Variants in NUP98 observed in about 807,000 individuals in gnomAD.
NUP98 encodes nuclear pore complex protein Nup98-Nup96.
In NUP98, 26 loss-of-function variants were observed where a neutral mutation model predicts 191.9. The observed-to-expected ratio is 0.14, with a 90% confidence interval of 0.10 to 0.19. The LOEUF is 0.19. NUP98 is among the 10% of genes least tolerant of loss of function. NUP98 has a pLI of 1.00. For missense variants in NUP98, 1,941 were observed against 2,178.8 expected (o/e 0.89, Z 2.17); for synonymous variants, 808 against 778.4 (o/e 1.04, Z -0.63).
chr11:3,759,128 T>C (rs1162837480), intron 10 of NUP98, among the ~76,000 whole-genome samples: 2 of 152,292 alleles, frequency 1.3e-5, no homozygotes, highest in Admixed American at 6.5e-5. Context: ...CAAATAACCA[T>C]GTCTTTGTAC....
rs1445247035 is a variant in NUP98, at chr11:3,712,416, C to T, written c.2742+148G>A. 5.6e-6 allele frequency: 8 copies of T among 1,435,614 alleles called. No individual in the cohort carries two copies. The South Asian group carries it at 1.1e-4, about 20-fold the overall frequency. The allele number at this position is 1,435,614 out of a possible 1,614,324, so 88.9% of individuals were successfully genotyped here. A position where few individuals can be genotyped will look rare whatever the true frequency, so the allele number is the denominator to read the frequency against. Reference sequence around the variant, plus strand: ...ACAGATGCCTGCAAGACCTCACGCCCTCCCTTGCACTTGTTTCAACGTGAT... The same window carrying T: ...ACAGATGCCTGCAAGACCTCACGCCTTCCCTTGCACTTGTTTCAACGTGAT... On this transcript the variant is annotated intron_variant, in intron 20 of 32. Coordinates refer to ENST00000324932, the MANE Select transcript of NUP98 (RefSeq NM_016320.5).
chr11:3,780,257 T>C (rs1461637564), intron 2 of NUP98, among the ~76,000 whole-genome samples: 1 of 148,634 alleles, frequency 6.7e-6, no homozygotes, highest in African/African-American at 2.5e-5. Flanking sequence ...TGCGGGGAAG[T>C]TACAGGCTCA....
At chr11:3,750,428 G>A (rs2080705427) in intron 11 of NUP98, among the ~76,000 whole-genome samples, 1 of 152,136 alleles carries the variant, frequency 6.6e-6, no homozygotes, top group Non-Finnish European at 1.5e-5. Flanking sequence ...AGATTGATAT[G>A]TATGTACTGA....
chr11:3,772,631 G>A (rs1276654557), intron 6 of NUP98, among the ~76,000 whole-genome samples: 3 of 151,822 alleles, frequency 2.0e-5, no homozygotes, highest in Admixed American at 6.6e-5. Context: ...CCCGGCCAAC[G>A]TAGCAAAATC....
chr11:3,715,678 C>G lies in NUP98; in HGVS notation c.2400-1683G>C, dbSNP rs184413993. On this transcript the variant is annotated intron_variant, in intron 18 of 32. Transcript: ENST00000324932. ...ATCACAGCTCACTGTAACCTCTGTT[C>G]GAGACCAACCTGGCCAACATGGTGA... 1.8e-3 allele frequency among the ~76,000 whole-genome samples: 273 copies of G among 152,212 alleles called. 1 individual carries two copies. Among genetic ancestry groups the G allele is most frequent in the African/African-American group, 6.4e-3 (264 of 41,542 alleles).
At chr11:3,785,261 C>T (rs997926592) in intron 1 of NUP98, among the ~76,000 whole-genome samples, 4 of 152,000 alleles carry the variant, frequency 2.6e-5, no homozygotes, top group Non-Finnish European at 5.9e-5. Flanking sequence ...CAAACCATGA[C>T]TGTAATCACT....
At chr11:3,696,047 C>T (rs928951750) in intron 25 of NUP98, among the ~76,000 whole-genome samples, 5 of 151,972 alleles carry the variant, frequency 3.3e-5, no homozygotes, top group African/African-American at 7.3e-5. Context: ...CAAAAATCAC[C>T]GGGCGTGCTG....
intron 11 of NUP98, among the ~76,000 whole-genome samples, chr11:3,748,513 T>A (rs1487703527): frequency 6.6e-6 from 1 of 151,462 alleles, no homozygotes; most frequent in Non-Finnish European, 1.5e-5. Context: ...AGAGCAAGAG[T>A]CCATCTTGGA....
intron 8 of NUP98, among the ~76,000 whole-genome samples, chr11:3,765,564 C>G (rs574371825): frequency 6.6e-6 from 1 of 152,102 alleles, no homozygotes; most frequent in Non-Finnish European, 1.5e-5. Context: ...CTTTGAGAGG[C>G]TGAGGCAGTC....
intron 14 of NUP98, among the ~76,000 whole-genome samples, chr11:3,727,926 G>A (rs923128548): frequency 3.3e-5 from 5 of 152,014 alleles, no homozygotes; most frequent in Non-Finnish European, 7.4e-5. Context: ...GGGAGGCCAA[G>A]TCAGAATAAT....
intron 14 of NUP98, among the ~76,000 whole-genome samples, chr11:3,727,894 G>A (rs542972941): frequency 1.3e-5 from 2 of 152,086 alleles, no homozygotes; most frequent in African/African-American, 4.8e-5. Flanking sequence ...GTGGTGGCAC[G>A]CACCTGTAGT....
At position 3,797,537 on chromosome 11, in the gene NUP98, C is replaced by T. The variant is rs905001768; in HGVS notation, c.-166G>A. The T allele has an allele frequency of 4.4e-6, 2 of 451,218 alleles. No homozygotes were observed. Among genetic ancestry groups the T allele is most frequent in the African/African-American group, 2.0e-5 (1 of 48,926 alleles). 28.0% of individuals were successfully genotyped at this position (451,218 alleles called of 1,614,324 possible). A position where few individuals can be genotyped will look rare whatever the true frequency, so the allele number is the denominator to read the frequency against. On this transcript the variant is annotated 5_prime_UTR_variant, in exon 1 of 33. Transcript: ENST00000324932. The stretch of plus-strand genomic sequence containing the variant: ...ACCGACCGCCGCTTCGGGCGCAGCG[C>T]GCAGAGGGCCCGACTGCGTCACACG...
rs1206353039 is a variant in NUP98 at position 3,789,060 on chromosome 11, G to GT, written c.-28-6916dup. Among the ~76,000 whole-genome samples, 3 of 152,110 alleles carry GT rather than the reference G, an allele frequency of 2.0e-5. No individual in the cohort carries two copies. In the East Asian group the frequency reaches 5.8e-4, roughly 29 times the overall value. On this transcript the variant is annotated intron_variant, in intron 1 of 32. Transcript: ENST00000324932. ...AAAAATTCCTCTGCCACTTGCTACT[G>GT]TAAGTCATAATATTCAATCTCTCAG... is the stretch of plus-strand genomic sequence containing the variant.
intron 11 of NUP98, among the ~76,000 whole-genome samples, chr11:3,746,269 CAAAAAAAAAA>C (rs66773761): frequency 3.2e-4 from 11 of 33,926 alleles, no homozygotes; most frequent in African/African-American, 1.1e-3. Flanking sequence ...AACTTTATCT[CAAAAAAAAAA>C]AAAAAAAAAA....
At position 3,688,407 on chromosome 11, in the gene NUP98, A is replaced by G. The variant is rs552244882; in HGVS notation, c.4455-2213T>C. On this transcript the variant is annotated intron_variant, in intron 28 of 32. Transcript: ENST00000324932. ...GGCGACAGAGCGAGACTCCATCTCA[A>G]AAAATAATAATAATAATAAAATAAA... Among the ~76,000 whole-genome samples, 352 of 152,034 alleles carry G rather than the reference A, an allele frequency of 2.3e-3. 3 individuals are homozygous for G. Among genetic ancestry groups the G allele is most frequent in the African/African-American group, 8.2e-3 (342 of 41,486 alleles).
chr11:3,702,334 CTCT>C (rs1295614590), intron 23 of NUP98, 126 bp downstream of exon 23: 18 of 152,018 alleles, frequency 1.2e-4, no homozygotes, highest in Non-Finnish European at 1.7e-4. Context: ...CTCTCTCTCT[CTCT>C]CTCTCTCTCT....
At chr11:3,785,937 A>G (rs1266448123) in intron 1 of NUP98, among the ~76,000 whole-genome samples, 1 of 152,134 alleles carries the variant, frequency 6.6e-6, no homozygotes, top group Non-Finnish European at 1.5e-5. Context: ...TTATCCTTTC[A>G]AATATGTTAA....
At chr11:3,773,850 T>C in intron 5 of NUP98, 111 bp from the exon 6 acceptor site, 2 of 606,228 alleles carry the variant, frequency 3.3e-6, no homozygotes, top group Non-Finnish European at 5.9e-6. Flanking sequence ...AGGTCTTTTA[T>C]ACTGAGATGG....
chr11:3,717,788 A>C (rs1188589240), intron 18 of NUP98, among the ~76,000 whole-genome samples: 1 of 152,208 alleles, frequency 6.6e-6, no homozygotes, highest in African/African-American at 2.4e-5. Flanking sequence ...TGCCTTTATT[A>C]TGAAAGAGTG....
Sources: gnomAD v4.1 joint callset for allele counts (sites outside exome capture counted in the v4.1 genomes callset) on GRCh38, gnomAD v4.1.1 for gene constraint, MANE v1.5 for transcripts, NCBI Gene and HGNC (gene_info 2026-07-23, HGNC 2026-07-21) for gene names.